KYAT1: variants seen among roughly 807,000 people sequenced by gnomAD.
KYAT1 encodes kynurenine--oxoglutarate transaminase 1.
A neutral mutation model predicts 52.4 loss-of-function variants in KYAT1; 47 were observed. The ratio of observed to expected loss-of-function variants is 0.90; its 90% confidence interval spans 0.71 to 1.14. The LOEUF (loss-of-function observed/expected upper bound fraction) is 1.14. Ranked by LOEUF, KYAT1 falls within the 50% of genes most tolerant of loss-of-function variation. The probability of loss-of-function intolerance (pLI) is 0.00; values close to 1 mark genes in which losing one functional copy is unlikely to be tolerated. For synonymous variants in KYAT1, 212 were observed against 209.6 expected (o/e 1.01, Z -0.10); for missense variants, 480 against 557.9 (o/e 0.86, Z 1.41).
intron 1 of KYAT1, among the ~76,000 whole-genome samples, chr9:128,880,269 C>T (rs1245954329): frequency 6.6e-6 from 1 of 152,128 alleles, no homozygotes; most frequent in Non-Finnish European, 1.5e-5. Context: ...GCTTTTCACA[C>T]CACACATCAT....
intron 1 of KYAT1, among the ~76,000 whole-genome samples, chr9:128,870,402 C>A (rs1246563006): frequency 6.6e-6 from 1 of 152,174 alleles, no homozygotes; most frequent in African/African-American, 2.4e-5. Flanking sequence ...AATCTCTGCA[C>A]TTTGGAAGGC....
Position 128,836,301 on chromosome 9 carries a change from TG to T in KYAT1, c.689-229del, listed in dbSNP as rs767729158. 8.5e-3 allele frequency among the ~76,000 whole-genome samples: 968 copies of T among 114,310 alleles called. 7 individuals are homozygous for T. Among genetic ancestry groups the T allele is most frequent in the Non-Finnish European group, 0.013 (654 of 51,758 alleles). The allele number at this position is 114,310 out of a possible 152,430, so 75.0% of individuals were successfully genotyped here. On this transcript the variant is annotated intron_variant, in intron 7 of 12. Coordinates refer to ENST00000302586, the MANE Select transcript of KYAT1 (RefSeq NM_004059.5). Reference sequence around the variant, plus strand: ...TCCCTCCACCCCCCATTTCTTTCTTTGTTTTTTTTTTTTTTGAGATGGAGTC... The same window carrying T: ...TCCCTCCACCCCCCATTTCTTTCTTTTTTTTTTTTTTTTTGAGATGGAGTC...
intron 3 of KYAT1, chr9:128,842,140 C>A: frequency 2.8e-6 from 1 of 351,464 alleles, no homozygotes; most frequent in East Asian, 9.5e-5. Flanking sequence ...CTGCAGTGGA[C>A]CATGATCGCA....
chr9:128,834,223 C>T (rs1399400910), intron 11 of KYAT1, among the ~76,000 whole-genome samples: 14 of 152,032 alleles, frequency 9.2e-5, no homozygotes, highest in South Asian at 2.1e-4. Context: ...GCCACTTCAC[C>T]GCAGCCTGGG....
At chr9:128,835,129 C>T in intron 11 of KYAT1, 194 bp downstream of exon 11, 1 of 590,898 alleles carries the variant, frequency 1.7e-6, no homozygotes, top group Non-Finnish European at 3.0e-6. Flanking sequence ...AGTGAGACTC[C>T]ATCTCAACCA....
In KYAT1 at chr9:128,835,529, T is replaced by C. The variant is rs755666803; in HGVS notation, c.994A>G (p.Ile332Val). 7 of 1,613,808 alleles carry C rather than the reference T, an allele frequency of 4.3e-6. No individual in the cohort carries two copies. In the South Asian group the frequency reaches 5.5e-5, roughly 13 times the overall value. The change falls in exon 10 of 13, where the codon ATC becomes GTC. Residue 332 changes from isoleucine (I) to valine (V), a missense_variant. Transcript: ENST00000302586. ...RSLQSVGLKPIIPQGSYFLIT... is the reference protein window; with the variant it reads ...RSLQSVGLKPVIPQGSYFLIT... ...AGGAAGTAGCTGCCCTGAGGGATGA[T>C]GGGCTTCAGGCCCACTGACTGTAGG...
intron 1 of KYAT1, among the ~76,000 whole-genome samples, chr9:128,870,243 A>G (rs973468942): frequency 6.6e-6 from 1 of 152,190 alleles, no homozygotes; most frequent in African/African-American, 2.4e-5. Context: ...TTGTCCATCA[A>G]TGGATGAATG....
chr9:128,837,851 C>T (rs1293732101), intron 5 of KYAT1, 38 bp from the exon 6 acceptor site: 1 of 1,610,672 alleles, frequency 6.2e-7, no homozygotes, highest in Non-Finnish European at 8.5e-7. Flanking sequence ...ACCACTTAAC[C>T]ACCTGACATG....
intron 1 of KYAT1, among the ~76,000 whole-genome samples, chr9:128,864,365 CAAAAAA>C (rs35129459): frequency 4.0e-5 from 3 of 75,210 alleles, no homozygotes; most frequent in South Asian, 5.9e-4. Context: ...GACTCTGTCT[CAAAAAA>C]AAAAAAAAAA....
At chr9:128,875,494 T>C (rs149948211) in intron 1 of KYAT1, among the ~76,000 whole-genome samples, 3,098 of 151,982 alleles carry the variant, frequency 0.02, 116 homozygotes, top group African/African-American at 0.071. Flanking sequence ...GCACCTGTAG[T>C]CCCAGCTACT....
intron 1 of KYAT1, among the ~76,000 whole-genome samples, chr9:128,862,911 G>A (rs956357354): frequency 6.6e-5 from 10 of 151,946 alleles, no homozygotes; most frequent in African/African-American, 1.5e-4. Context: ...TGCAACCTCC[G>A]CCTCCCAGGT....
intron 1 of KYAT1, among the ~76,000 whole-genome samples, chr9:128,849,328 T>C (rs1478899708): frequency 7.0e-6 from 1 of 142,572 alleles, no homozygotes; most frequent in Non-Finnish European, 1.5e-5. Flanking sequence ...GGAGAATCGC[T>C]GGAACCCAGG....
In KYAT1 at chr9:128,833,924, G is replaced by T. The variant is rs776915564; in HGVS notation, c.1123-98C>A. ...AGGTTCCCACGACCAGGCGGGGAAG[G>T]AGAGTTAGCTCCAATCCAGCACCTA... On this transcript the variant is annotated intron_variant, in intron 11 of 12. Coordinates refer to ENST00000302586, the MANE Select transcript of KYAT1 (RefSeq NM_004059.5). The T allele has an allele frequency of 6.7e-6, 6 of 897,204 alleles. No individual in the cohort carries two copies. In the Admixed American group the frequency reaches 1.2e-4, roughly 18 times the overall value. The allele number at this position is 897,204 out of a possible 1,614,324, so 55.6% of individuals were successfully genotyped here.
chr9:128,870,398 T>C (rs573565506), intron 1 of KYAT1, among the ~76,000 whole-genome samples: 1 of 152,310 alleles, frequency 6.6e-6, no homozygotes, highest in East Asian at 1.9e-4. Flanking sequence ...CTATAATCTC[T>C]GCACTTTGGA....
intron 1 of KYAT1, among the ~76,000 whole-genome samples, chr9:128,857,807 G>C (rs1453651724): frequency 6.6e-6 from 1 of 152,202 alleles, no homozygotes; most frequent in African/African-American, 2.4e-5. Context: ...CTGCACTCCA[G>C]CCTGGGCGAC....
At chr9:128,862,784 G>A (rs2130690620) in intron 1 of KYAT1, among the ~76,000 whole-genome samples, 1 of 152,280 alleles carries the variant, frequency 6.6e-6, no homozygotes, top group East Asian at 1.9e-4. Flanking sequence ...GGGCCTATGT[G>A]TGGCCGGGTA....
Position 128,836,808 on chromosome 9 carries a change from T to C in KYAT1, c.682A>G (p.Ser228Gly). 1 of 1,613,606 alleles carries C rather than the reference T, an allele frequency of 6.2e-7. No individual in the cohort carries two copies. Among genetic ancestry groups the C allele is most frequent in the Non-Finnish European group, 8.5e-7 (1 of 1,179,836 alleles). The change falls in exon 7 of 13, where the codon AGC (serine) becomes GGC (glycine). Residue 228 changes from serine (S) to glycine (G), a missense_variant. By Grantham distance (56) the Ser-to-Gly change is moderately conservative. Transcript: ENST00000302586. The stretch of plus-strand genomic sequence containing the variant: ...CCAGGCTGGCTTGGCTCACCAATGC[T>C]GATGTGCTGGTGCCCGTCGTAGACC... ...WMVYDGHQHI[S>G]IASLPGMWER...
intron 1 of KYAT1, among the ~76,000 whole-genome samples, chr9:128,872,586 G>A (rs1364135847): frequency 1.3e-5 from 2 of 151,676 alleles, no homozygotes; most frequent in Non-Finnish European, 2.9e-5. Flanking sequence ...TGGCTAACAT[G>A]GTGAAAGCCC....
chr9:128,865,359 ATT>A (rs776787253), intron 1 of KYAT1, among the ~76,000 whole-genome samples: 37 of 27,312 alleles, frequency 1.4e-3, no homozygotes, highest in African/African-American at 3.4e-3. Flanking sequence ...ATATATATAT[ATT>A]TTTTTTTTTT....
Sources: gnomAD v4.1 joint callset for allele counts (sites outside exome capture counted in the v4.1 genomes callset) on GRCh38, gnomAD v4.1.1 for gene constraint, MANE v1.5 for transcripts, NCBI Gene and HGNC (gene_info 2026-07-23, HGNC 2026-07-21) for gene names.